Variants in NLK observed in about 807,000 individuals in gnomAD.
The protein encoded by NLK is nemo like kinase.
In NLK, 11 loss-of-function variants were observed where a neutral mutation model predicts 59.0. The observed-to-expected ratio is 0.19, with a 90% CI of 0.12 to 0.31. NLK has a LOEUF of 0.31. NLK is among the 10% of genes least tolerant of loss of function. The pLI, the probability that NLK is intolerant of heterozygous loss-of-function variation, is 1.00. For missense variants in NLK, 410 were observed against 661.1 expected, an observed-to-expected ratio of 0.62 and a Z score of 4.16; for synonymous variants, 235 against 235.9, an observed-to-expected ratio of 1.00 and a Z score of 0.03.
intron 1 of NLK, among the ~76,000 whole-genome samples, chr17:28,121,395 A>G (rs1225858338): frequency 1.2e-4 from 18 of 151,604 alleles, no homozygotes; most frequent in Non-Finnish European, 7.4e-5. Context: ...AGGGGGGAAA[A>G]AAAAAAAAAG....
At chr17:28,098,804 T>C (rs1302616619) in intron 1 of NLK, among the ~76,000 whole-genome samples, 2 of 149,012 alleles carry the variant, frequency 1.3e-5, no homozygotes, top group Non-Finnish European at 1.5e-5. Context: ...TGCCTTAGCC[T>C]CCTGAGTAGC....
chr17:28,110,066 A>T (rs915496536), intron 1 of NLK, among the ~76,000 whole-genome samples: 9 of 152,184 alleles, frequency 5.9e-5, no homozygotes, highest in Non-Finnish European at 1.3e-4. Flanking sequence ...CCCTTATTTA[A>T]ATCTTCTCTA....
chr17:28,168,494 G>T lies in NLK; in HGVS notation c.884G>T (p.Arg295Leu), dbSNP rs765080784. 3 of 1,613,746 alleles carry T rather than the reference G, an allele frequency of 1.9e-6. No individual in the cohort carries two copies. In the African/African-American group the frequency reaches 4.0e-5, roughly 22 times the overall value. ...LARVEELDES[R>L]HMTQEVVTQY... is the part of the protein sequence containing the mutation. ...AGAGTGGAAGAATTAGATGAATCCC[G>T]TCATATGACTCAGGAAGTTGTTACT... Residue 295 changes from arginine (R) to leucine (L), a missense_variant, in exon 6 of 11, where the codon CGT (arginine) becomes CTT (leucine). Arg to Leu is a moderately radical substitution (Grantham distance 102, BLOSUM62 -2). Around this residue, in one of 5 missense-constraint regions of NLK, gnomAD observed 150 missense variants for 244.3 expected, o/e 0.61. Coordinates refer to ENST00000407008, the MANE Select transcript of NLK (RefSeq NM_016231.5).
At position 28,132,610 on chromosome 17, in the gene NLK, C is replaced by G. The variant is rs1567723141; in HGVS notation, c.589-10C>G. On this transcript the variant is annotated splice_polypyrimidine_tract_variant and intron_variant, in intron 2 of 10. Coordinates refer to ENST00000407008, the MANE Select transcript of NLK (RefSeq NM_016231.5). ...TTCTCTAAATTTGACTTTTTTTTTCCTTTTCTCAGGTACTCTCTGCCCTTG... is the reference window on the plus strand; with the variant it reads ...TTCTCTAAATTTGACTTTTTTTTTCGTTTTCTCAGGTACTCTCTGCCCTTG... 18 of 1,590,384 alleles carry G rather than the reference C, an allele frequency of 1.1e-5. No individual in the cohort carries two copies. The highest frequency in any genetic ancestry group is 1.5e-5 in the Non-Finnish European group (18 of 1,169,106).
intron 1 of NLK, among the ~76,000 whole-genome samples, chr17:28,070,903 T>A (rs922373384): frequency 2.6e-5 from 4 of 152,248 alleles, no homozygotes; most frequent in Non-Finnish European, 5.9e-5. Context: ...AGTGAAATTC[T>A]AAGCTTTTCT....
chr17:28,075,249 CCT>C (rs1222674576), intron 1 of NLK, among the ~76,000 whole-genome samples: 2 of 152,146 alleles, frequency 1.3e-5, no homozygotes, highest in Non-Finnish European at 2.9e-5. Flanking sequence ...CCAAAAGAAA[CCT>C]CTCTCTAAGG....
chr17:28,162,324 A>G lies in NLK; in HGVS notation c.751+1058A>G, dbSNP rs186064487. Among the ~76,000 whole-genome samples the G allele has an allele frequency of 1.4e-4, 21 of 152,146 alleles. 1 individual carries two copies. In the East Asian group the frequency reaches 3.9e-3, roughly 28 times the overall value. ...GCCACTGCGCCCAGCCACATAAGCA[A>G]TATTAAAACTAAAAAACTCACCTCC... On this transcript the variant is annotated intron_variant, in intron 4 of 10. Transcript: ENST00000407008.
intron 1 of NLK, among the ~76,000 whole-genome samples, chr17:28,099,172 G>GA (rs1248062656): frequency 6.6e-6 from 1 of 151,962 alleles, no homozygotes; most frequent in African/African-American, 2.4e-5. Flanking sequence ...AAGTCTATGA[G>GA]AAAAAAATAA....
In NLK at chr17:28,043,101, AGCAGCGGCTGCAGCT is replaced by A; in HGVS notation, c.234_248del (p.Ala79_Ala83del). 1.3e-6 allele frequency: 2 copies of A among 1,585,052 alleles called. No individual in the cohort carries two copies. The highest frequency in any genetic ancestry group is 1.7e-6 in the Non-Finnish European group (2 of 1,165,822). ...CCTCTTCGGCAGCTGCGGCAGCCGC[AGCAGCGGCTGCAGCT>A]GCAGCCATGTTAAACCCTGGGCAAC... On this transcript the variant is annotated inframe_deletion, in exon 1 of 11. Transcript: ENST00000407008.
At chr17:28,140,457 C>G (rs1229696184) in intron 3 of NLK, among the ~76,000 whole-genome samples, 2 of 152,096 alleles carry the variant, frequency 1.3e-5, no homozygotes, top group Non-Finnish European at 2.9e-5. Flanking sequence ...TTTTAAAAAA[C>G]ACCATAACAA....
intron 1 of NLK, among the ~76,000 whole-genome samples, chr17:28,108,659 A>G (rs1185773275): frequency 6.6e-6 from 1 of 152,250 alleles, no homozygotes; most frequent in African/African-American, 2.4e-5. Context: ...GTGAATAATA[A>G]AACTTTAATA....
At chr17:28,051,770 T>A (rs1909265240) in intron 1 of NLK, among the ~76,000 whole-genome samples, 1 of 152,122 alleles carries the variant, frequency 6.6e-6, no homozygotes, top group African/African-American at 2.4e-5. Context: ...TAAAGTTATT[T>A]AAACTTTCTG....
intron 8 of NLK, among the ~76,000 whole-genome samples, chr17:28,186,650 A>G (rs1411001963): frequency 6.6e-6 from 1 of 152,156 alleles, no homozygotes; most frequent in Non-Finnish European, 1.5e-5. Flanking sequence ...GCAAAGAGAG[A>G]GAGCTTGTGC....
At chr17:28,160,757 T>G (rs779441215) in intron 3 of NLK, among the ~76,000 whole-genome samples, 1 of 152,234 alleles carries the variant, frequency 6.6e-6, no homozygotes, top group African/African-American at 2.4e-5. Context: ...ATCTTTTCCA[T>G]TGGTGTCATG....
intron 7 of NLK, among the ~76,000 whole-genome samples, chr17:28,183,221 G>T (rs751721736): frequency 1.3e-5 from 2 of 152,214 alleles, no homozygotes; most frequent in Admixed American, 1.3e-4. Context: ...AATGGGAAGA[G>T]ATCAGATCCA....
intron 6 of NLK, among the ~76,000 whole-genome samples, chr17:28,169,150 T>C (rs1013455910): frequency 6.6e-6 from 1 of 152,154 alleles, no homozygotes; most frequent in African/African-American, 2.4e-5. Context: ...CCTCCCAAAG[T>C]GCTGGGATTA....
At chr17:28,086,858 C>A (rs963796348) in intron 1 of NLK, among the ~76,000 whole-genome samples, 1 of 149,900 alleles carries the variant, frequency 6.7e-6, no homozygotes, top group Non-Finnish European at 1.5e-5. Flanking sequence ...GAGACCTCAT[C>A]TCTTAAAAAA....
At chr17:28,145,389 C>G (rs1907202751) in intron 3 of NLK, among the ~76,000 whole-genome samples, 2 of 152,210 alleles carry the variant, frequency 1.3e-5, no homozygotes, top group South Asian at 4.1e-4. Context: ...AACCCTTTAC[C>G]AAAACCAGGA....
At chr17:28,160,249 G>C (rs1907950145) in intron 3 of NLK, among the ~76,000 whole-genome samples, 1 of 152,168 alleles carries the variant, frequency 6.6e-6, no homozygotes, top group South Asian at 2.1e-4. Context: ...TCTCGAGGAG[G>C]AGGGAGTTTG....
Sources: allele counts gnomAD v4.1 joint callset (sites outside exome capture counted in the v4.1 genomes callset), GRCh38; gene constraint gnomAD v4.1.1; regional missense constraint gnomAD v4.1.1; transcripts MANE v1.5; gene names NCBI Gene and HGNC (gene_info 2026-07-23, HGNC 2026-07-21).